The following CASK variants were observed in gnomAD, a reference collection of about 807,000 sequenced individuals.
CASK encodes calcium/calmodulin dependent serine protein kinase.
Under a neutral mutation model 82.9 loss-of-function variants are expected in CASK, and 4 were observed. That is an observed-to-expected ratio of 0.05 (90% confidence interval 0.02 to 0.11). The LOEUF is 0.11. Ranked by LOEUF, CASK falls within the 10% of genes least tolerant of loss-of-function variation. The probability of loss-of-function intolerance (pLI) is 1.00; values close to 1 mark genes in which losing one functional copy is unlikely to be tolerated. For missense variants in CASK, 358 were observed against 720.9 expected, an observed-to-expected ratio of 0.50 and a Z score of 5.76; for synonymous variants, 259 against 253.5, an observed-to-expected ratio of 1.02 and a Z score of -0.20.
intron 8 of CASK, among the ~76,000 whole-genome samples, chrX:41,655,680 C>T (rs1393518307): frequency 9.0e-6 from 1 of 111,535 alleles, no homozygotes; most frequent in Non-Finnish European, 1.9e-5. Context: ...ATTCTACTGA[C>T]ACTTGGACAG....
At position 41,542,738 on chromosome X, in the gene CASK, T is replaced by C; in HGVS notation, c.2108A>G (p.Lys703Arg). 8.3e-7 allele frequency: 1 copy of C among 1,211,029 alleles called. No homozygotes were observed. The highest frequency in any genetic ancestry group is 1.1e-6 in the Non-Finnish European group (1 of 894,661). ...EQQASCTWFG[K>R]KKKQYKDKYL... ...TTTATCTTTGTACTGCTTCTTTTTC[T>C]TGCCAAACCAAGTACAGCTGGCCTG... Residue 703 changes from lysine (K) to arginine (R), a missense_variant, in exon 22 of 27, where the codon AAG becomes AGG. By Grantham distance (26) the Lys-to-Arg change is conservative. Around this residue, in one of 5 missense-constraint regions of CASK, gnomAD observed 19 missense variants for 64.8 expected, o/e 0.29. Transcript: ENST00000378163.
At chrX:41,833,632 G>A (rs952942927) in intron 2 of CASK, among the ~76,000 whole-genome samples, 1 of 112,027 alleles carries the variant, frequency 8.9e-6, no homozygotes, top group East Asian at 2.8e-4. Flanking sequence ...GTTTTATGGT[G>A]TGTGAATTAT....
At chrX:41,542,997 GCTTAT>G (rs2064969526) in intron 21 of CASK, among the ~76,000 whole-genome samples, 191 bp from the exon 22 acceptor site, 1 of 111,614 alleles carries the variant, frequency 9.0e-6, no homozygotes, top group Non-Finnish European at 1.9e-5. Context: ...TAAAATATAG[GCTTAT>G]ATTAAAATGG....
chrX:41,554,029 A>T (rs1256502777), intron 20 of CASK, 114 bp from the exon 21 acceptor site: 2 of 563,728 alleles, frequency 3.5e-6, no homozygotes, highest in Non-Finnish European at 6.0e-6. Context: ...TCAGATGGTG[A>T]AAGCAAAAAC....
chrX:41,590,002 A>T (rs2065719598), intron 12 of CASK: 1 of 151,484 alleles, frequency 6.6e-6, no homozygotes, highest in Admixed American at 7.5e-5. Flanking sequence ...TGGCCAAGGC[A>T]CGTCTGGAAG....
At chrX:41,579,784 A>G (rs770078753) in intron 14 of CASK, among the ~76,000 whole-genome samples, 1 of 111,951 alleles carries the variant, frequency 8.9e-6, no homozygotes, top group South Asian at 3.7e-4. Context: ...GGCTTAAAAA[A>G]GTCATGACTT....
At chrX:41,728,770 G>A (rs1229876336) in intron 5 of CASK, 1 of 122,609 alleles carries the variant, frequency 8.2e-6, no homozygotes, top group Non-Finnish European at 1.9e-5. Flanking sequence ...ATAAAAATAA[G>A]TAAAAAAATA....
In CASK at chrX:41,811,661, A is replaced by G. The variant is rs758594537; in HGVS notation, c.173-24378T>C. Among the ~76,000 whole-genome samples, 282 of 101,365 alleles carry G rather than the reference A, an allele frequency of 2.8e-3. 2 individuals are homozygous for G. The highest frequency in any genetic ancestry group is 3.9e-3 in the Non-Finnish European group (190 of 49,143). The allele number at this position is 101,365 out of a possible 115,157, so 88.0% of individuals were successfully genotyped here. On this transcript the variant is annotated intron_variant, in intron 2 of 26. Transcript: ENST00000378163. ...GGAGAGATCTAAAATTGACACCCTA[A>G]TATCACAATTAAAAGAACTAGAGAA...
At chrX:41,664,110 AAC>A (rs1460317985) in intron 7 of CASK, among the ~76,000 whole-genome samples, 3 of 111,748 alleles carry the variant, frequency 2.7e-5, no homozygotes, top group African/African-American at 9.8e-5. Context: ...TTTCTCTGTT[AAC>A]AGAGTTTTGG....
chrX:41,598,238 G>A (rs913781785), intron 12 of CASK, among the ~76,000 whole-genome samples: 3 of 111,847 alleles, frequency 2.7e-5, no homozygotes, highest in Non-Finnish European at 3.8e-5. Flanking sequence ...GTATTTAGCA[G>A]TGGCCTAAAG....
chrX:41,659,432 T>C (rs891902111), intron 8 of CASK, among the ~76,000 whole-genome samples: 14 of 109,796 alleles, frequency 1.3e-4, no homozygotes, highest in Non-Finnish European at 2.7e-4. Flanking sequence ...TTCATCATAT[T>C]GGCCAGGCTG....
intron 2 of CASK, among the ~76,000 whole-genome samples, chrX:41,791,051 C>G (rs941406325): frequency 9.0e-6 from 1 of 111,296 alleles, no homozygotes; most frequent in Admixed American, 9.6e-5. Context: ...TGACATGACC[C>G]AGGGTTACCA....
chrX:41,918,553 C>T (rs2072731198), intron 1 of CASK, among the ~76,000 whole-genome samples: 1 of 112,176 alleles, frequency 8.9e-6, no homozygotes, highest in Admixed American at 9.5e-5. Flanking sequence ...TTGTTCCAAA[C>T]GTCAGACAAT....
intron 10 of CASK, among the ~76,000 whole-genome samples, chrX:41,625,347 G>A (rs1263780666): frequency 9.2e-6 from 1 of 109,127 alleles, no homozygotes; most frequent in African/African-American, 3.3e-5. Context: ...CACCACGCCC[G>A]GCTAATTTTT....
At chrX:41,559,427 G>A (rs765655347) in intron 18 of CASK, 12 of 216,336 alleles carry the variant, frequency 5.5e-5, no homozygotes, top group Admixed American at 4.1e-4. Flanking sequence ...TCTTAACAAG[G>A]GAAGTGAATG....
intron 21 of CASK, among the ~76,000 whole-genome samples, chrX:41,550,734 AAAAAAAAAAAAAAG>A (rs2065084962): frequency 1.1e-5 from 1 of 94,581 alleles, no homozygotes; most frequent in Admixed American, 1.1e-4. Context: ...TCATCTCTAC[AAAAAAAAAAAAAAG>A]AAAAAGAAAA....
chrX:41,649,776 G>A (rs1457123124), intron 8 of CASK, among the ~76,000 whole-genome samples: 2 of 111,639 alleles, frequency 1.8e-5, no homozygotes, highest in Non-Finnish European at 3.8e-5. Context: ...TCTGCTTGGT[G>A]CAGAGCTGAG....
chrX:41,737,314 C>T lies in CASK; in HGVS notation c.429+2070G>A, dbSNP rs142373587. Among the ~76,000 whole-genome samples the T allele has an allele frequency of 1.3e-3, 142 of 112,143 alleles. 1 individual carries two copies. The highest frequency in any genetic ancestry group is 4.4e-3 in the African/African-American group (137 of 30,922). On this transcript the variant is annotated intron_variant, in intron 5 of 26. Coordinates refer to ENST00000378163, the MANE Select transcript of CASK (RefSeq NM_001367721.1). ...ACTAGCCACGCTACGTCACCAACAT[C>T]CTGTGAAACAGAATTGAGCAGTCCT...
chrX:41,706,794 G>A (rs2147617259), intron 5 of CASK, among the ~76,000 whole-genome samples: 1 of 111,731 alleles, frequency 9.0e-6, no homozygotes, highest in South Asian at 3.7e-4. Flanking sequence ...AGGGACCACA[G>A]GCAAGTGCCA....
Sources: gnomAD v4.1 joint callset for allele counts (sites outside exome capture counted in the v4.1 genomes callset) on GRCh38, gnomAD v4.1.1 for gene constraint, gnomAD v4.1.1 regional missense constraint, MANE v1.5 for transcripts, NCBI Gene and HGNC (gene_info 2026-07-23, HGNC 2026-07-21) for gene names.